BFSP2: variants seen among roughly 807,000 people sequenced by gnomAD.
The protein encoded by BFSP2 is phakinin.
In BFSP2, 38 loss-of-function variants were observed where a neutral mutation model predicts 44.9. The observed-to-expected ratio is 0.85, with a 90% confidence interval of 0.65 to 1.11. The LOEUF (loss-of-function observed/expected upper bound fraction) is 1.11. Ranked by LOEUF, BFSP2 falls within the 50% of genes least tolerant of loss-of-function variation. The pLI is 0.00. For synonymous variants in BFSP2, 197 were observed against 209.9 expected (o/e 0.94, Z 0.53); for missense variants, 525 against 533.0 (o/e 0.99, Z 0.15).
intron 1 of BFSP2, among the ~76,000 whole-genome samples, chr3:133,402,758 A>G (rs502538): frequency 0.35 from 52,509 of 150,786 alleles, 10,603 homozygotes; most frequent in East Asian, 0.44. Context: ...CTCCTGCCTC[A>G]GCGTCCTGAG....
chr3:133,452,679 A>G (rs892274070), intron 4 of BFSP2, among the ~76,000 whole-genome samples: 8 of 152,186 alleles, frequency 5.3e-5, no homozygotes, highest in African/African-American at 1.9e-4. Context: ...TGAGAGCTCC[A>G]TAGTTCAACT....
chr3:133,422,723 A>C (rs1206271625), intron 1 of BFSP2, among the ~76,000 whole-genome samples: 1 of 142,852 alleles, frequency 7.0e-6, no homozygotes, highest in Non-Finnish European at 1.5e-5. Context: ...CCTATGCCCC[A>C]ACATTAATGA....
chr3:133,474,842 C>A, intron 6 of BFSP2, 127 bp from the exon 7 acceptor site: 1 of 1,315,032 alleles, frequency 7.6e-7, no homozygotes. Context: ...TTATTTAAAA[C>A]CCAAAACTAT....
intron 1 of BFSP2, among the ~76,000 whole-genome samples, chr3:133,443,157 G>A (rs1287816909): frequency 6.6e-6 from 1 of 152,152 alleles, no homozygotes; most frequent in Non-Finnish European, 1.5e-5. Context: ...ACCGCACCCG[G>A]CCAAAATTAT....
chr3:133,437,277 C>A (rs1403104458), intron 1 of BFSP2, among the ~76,000 whole-genome samples: 1 of 152,156 alleles, frequency 6.6e-6, no homozygotes, highest in Non-Finnish European at 1.5e-5. Context: ...GTAATCCCAG[C>A]ACTTTGGGAG....
At chr3:133,457,151 C>A (rs1401831843) in intron 4 of BFSP2, among the ~76,000 whole-genome samples, 1 of 152,204 alleles carries the variant, frequency 6.6e-6, no homozygotes, top group Non-Finnish European at 1.5e-5. Context: ...AAGCAGGACG[C>A]CTGACAGCAT....
intron 4 of BFSP2, among the ~76,000 whole-genome samples, chr3:133,451,359 T>TA (rs1156956447): frequency 6.6e-6 from 1 of 152,188 alleles, no homozygotes; most frequent in African/African-American, 2.4e-5. Flanking sequence ...CAGAATGGTA[T>TA]ATGCCAGAAG....
At chr3:133,425,406 C>G (rs1465009359) in intron 1 of BFSP2, among the ~76,000 whole-genome samples, 2 of 152,182 alleles carry the variant, frequency 1.3e-5, no homozygotes, top group Non-Finnish European at 2.9e-5. Context: ...ACAAATGCAG[C>G]TTTGGTTTGA....
chr3:133,466,899 A>G lies in BFSP2; in HGVS notation c.963A>G (p.Leu321=). ...EKLAAALRVE[L]HNTSCQVQSL... is the part of the protein sequence containing the mutation. ...TGGCAGCTGCCCTCAGGGTGGAGTTACACAACACTTCGTGCCAAGTCCAGA... is the reference window on the plus strand; with the variant it reads ...TGGCAGCTGCCCTCAGGGTGGAGTTGCACAACACTTCGTGCCAAGTCCAGA... The change falls in exon 5 of 7, where the codon TTA becomes TTG. Residue 321 remains leucine (L), a synonymous_variant. Transcript: ENST00000302334. The G allele has an allele frequency of 6.2e-7, 1 of 1,614,062 alleles. No individual in the cohort carries two copies. Among genetic ancestry groups the G allele is most frequent in the Non-Finnish European group, 8.5e-7 (1 of 1,179,988 alleles).
chr3:133,461,395 C>A (rs966986877), intron 4 of BFSP2, among the ~76,000 whole-genome samples: 2 of 152,234 alleles, frequency 1.3e-5, no homozygotes, highest in African/African-American at 4.8e-5. Context: ...GCACTCCTAC[C>A]CTGCTGGAGT....
At chr3:133,464,971 C>T (rs2074096719) in intron 4 of BFSP2, among the ~76,000 whole-genome samples, 1 of 150,874 alleles carries the variant, frequency 6.6e-6, no homozygotes, top group East Asian at 1.9e-4. Flanking sequence ...GGTGCTACTA[C>T]TGAGCTATGA....
At chr3:133,420,430 T>C (rs920983282) in intron 1 of BFSP2, among the ~76,000 whole-genome samples, 1 of 151,736 alleles carries the variant, frequency 6.6e-6, no homozygotes, top group African/African-American at 2.4e-5. Context: ...GGATGTTGAG[T>C]TTTTGTGGTT....
chr3:133,406,045 G>C (rs1306566365), intron 1 of BFSP2, among the ~76,000 whole-genome samples: 1 of 152,092 alleles, frequency 6.6e-6, no homozygotes, highest in Non-Finnish European at 1.5e-5. Context: ...CCGCCTCCCG[G>C]GTTTAAGCGA....
chr3:133,471,234 G>T (rs762546838), intron 5 of BFSP2, among the ~76,000 whole-genome samples: 7 of 152,136 alleles, frequency 4.6e-5, no homozygotes, highest in Non-Finnish European at 1.5e-5. Context: ...AACTAGAGGT[G>T]GGGAGATGAG....
chr3:133,416,376 C>A (rs1200903951), intron 1 of BFSP2, among the ~76,000 whole-genome samples: 2 of 142,730 alleles, frequency 1.4e-5, no homozygotes, highest in South Asian at 2.3e-4. Flanking sequence ...CATGCCTGCC[C>A]TCTCCCCTCT....
At chr3:133,471,617 C>T (rs1233744343) in intron 5 of BFSP2, among the ~76,000 whole-genome samples, 1 of 152,006 alleles carries the variant, frequency 6.6e-6, no homozygotes, top group Admixed American at 6.6e-5. Context: ...CAACGCAGGA[C>T]GTGGCCTGGA....
At position 133,447,446 on chromosome 3, in the gene BFSP2, C is replaced by T. The variant is rs753111913; in HGVS notation, c.572+47C>T. On this transcript the variant is annotated intron_variant, in intron 2 of 6. Coordinates refer to ENST00000302334, the MANE Select transcript of BFSP2 (RefSeq NM_003571.4). The stretch of plus-strand genomic sequence containing the variant: ...GACAGTCCCTCCACATCCCTAGACT[C>T]CTAGGCAAGTGTGGATAATGCTGTT... 4.5e-5 allele frequency: 70 copies of T among 1,569,906 alleles called. 3 individuals are homozygous for T. The South Asian group carries it at 7.2e-4, about 16-fold the overall frequency.
intron 1 of BFSP2, among the ~76,000 whole-genome samples, chr3:133,440,510 G>T (rs910041214): frequency 1.3e-5 from 2 of 152,134 alleles, no homozygotes; most frequent in African/African-American, 4.8e-5. Context: ...AAATGGTAGG[G>T]TTTAAACCCT....
At chr3:133,407,798 T>C (rs993127684) in intron 1 of BFSP2, among the ~76,000 whole-genome samples, 9 of 152,188 alleles carry the variant, frequency 5.9e-5, no homozygotes, top group African/African-American at 2.2e-4. Context: ...GACTTTTTAA[T>C]AAGTGATATT....
Sources: gnomAD v4.1 joint callset for allele counts (sites outside exome capture counted in the v4.1 genomes callset) on GRCh38, gnomAD v4.1.1 for gene constraint, MANE v1.5 for transcripts, NCBI Gene and HGNC (gene_info 2026-07-23, HGNC 2026-07-21) for gene names.